Variants in SRC observed in about 807,000 individuals in gnomAD.
SRC encodes SRC proto-oncogene, non-receptor tyrosine kinase.
A neutral mutation model predicts 62.9 loss-of-function variants in SRC; 13 were observed. The ratio of observed to expected loss-of-function variants is 0.21; its 90% CI spans 0.13 to 0.33. The LOEUF (loss-of-function observed/expected upper bound fraction) is 0.33, where lower values mean the gene tolerates loss of function less well. SRC is among the 10% of genes least tolerant of loss of function. The probability of loss-of-function intolerance (pLI) is 1.00; values close to 1 mark genes in which losing one functional copy is unlikely to be tolerated. For synonymous variants in SRC, 302 were observed against 317.5 expected (o/e 0.95, Z 0.52); for missense variants, 457 against 737.3 (o/e 0.62, Z 4.40).
upstream of SRC, among the ~76,000 whole-genome samples, chr20:37,345,446 A>G (rs973550649): frequency 4.6e-5 from 7 of 152,214 alleles, no homozygotes; most frequent in Non-Finnish European, 7.3e-5. Flanking sequence ...CCTAAGCAGT[A>G]ATAATTAGAA....
At chr20:37,383,367 C>T (rs2070393066) in intron 3 of SRC, among the ~76,000 whole-genome samples, 1 of 152,188 alleles carries the variant, frequency 6.6e-6, no homozygotes, top group Non-Finnish European at 1.5e-5. Flanking sequence ...TGCTTCAAAC[C>T]TCCTGCTGTA....
In SRC at chr20:37,403,151, A is replaced by G; in HGVS notation, c.1403-20A>G. 6.6e-7 allele frequency: 1 copy of G among 1,518,640 alleles called. No homozygotes were observed. The highest frequency in any genetic ancestry group is 1.4e-5 in the African/African-American group (1 of 72,598). 94.1% of individuals were successfully genotyped at this position (1,518,640 alleles called of 1,614,324 possible). On this transcript the variant is annotated intron_variant, in intron 13 of 13. Transcript: ENST00000373578. This position sits in a 1 kb window ranked among gnomAD's most constrained non-coding sequence, Gnocchi z 7.1. Reference sequence around the variant, plus strand: ...TTTCCTCACCGGAGCCGGGCTCCCCATGCCTCGCTCTGCCCACAGGGATGG... The same window carrying G: ...TTTCCTCACCGGAGCCGGGCTCCCCGTGCCTCGCTCTGCCCACAGGGATGG...
rs61476973 is a variant in SRC at position 37,360,218 on chromosome 20, CT to C, written c.-246-4966del. On this transcript the variant is annotated intron_variant, in intron 1 of 13. Coordinates refer to ENST00000373578, the MANE Select transcript of SRC (RefSeq NM_198291.3). ...AATTTCTTTCTCTTTCTCTCTCTCT[CT>C]TTTTTTTTTTTTTTTTTTTGGTGAG... Among the ~76,000 whole-genome samples, 344 of 105,608 alleles carry C rather than the reference CT, an allele frequency of 3.3e-3. 2 individuals are homozygous for C. The highest frequency in any genetic ancestry group is 0.012 in the African/African-American group (260 of 20,932). 69.3% of individuals were successfully genotyped at this position (105,608 alleles called of 152,430 possible).
chr20:37,369,475 G>A (rs2070127825), intron 2 of SRC, among the ~76,000 whole-genome samples: 1 of 152,082 alleles, frequency 6.6e-6, no homozygotes, highest in African/African-American at 2.4e-5. Flanking sequence ...GTATTTTTGT[G>A]TATTGATTTT....
intron 2 of SRC, among the ~76,000 whole-genome samples, chr20:37,379,204 G>A (rs1013171018): frequency 1.8e-4 from 28 of 152,092 alleles, no homozygotes; most frequent in Admixed American, 7.9e-4. Flanking sequence ...GTGGCTTCCC[G>A]AAGGAAAGGG....
intron 2 of SRC, among the ~76,000 whole-genome samples, chr20:37,373,456 C>CGTGT (rs112187908): frequency 2.1e-5 from 2 of 94,744 alleles, no homozygotes; most frequent in African/African-American, 1.7e-4. Context: ...CGCATATATG[C>CGTGT]ATATATACAC....
At chr20:37,345,472 T>G (rs2069702951), upstream of SRC, among the ~76,000 whole-genome samples, 1 of 152,184 alleles carries the variant, frequency 6.6e-6, no homozygotes. Flanking sequence ...GGACTTCCGA[T>G]GGGCTGCCAG....
At chr20:37,366,619 G>A (rs1600970781) in intron 2 of SRC, among the ~76,000 whole-genome samples, 2 of 152,222 alleles carry the variant, frequency 1.3e-5, no homozygotes, top group South Asian at 4.2e-4. Flanking sequence ...AATAGAAATG[G>A]AATCATTCAA....
rs2070679769 is a variant in SRC at position 37,397,857 on chromosome 20, A to G, written c.859+3A>G. ...CTGCTTTGGCGAGGTGTGGATGGGT[A>G]AGGCCTGGCCCCTGCCCTCGGGAGA... On this transcript the variant is annotated splice_donor_region_variant and intron_variant, in intron 9 of 13. Coordinates refer to ENST00000373578, the MANE Select transcript of SRC (RefSeq NM_198291.3). This position sits in a 1 kb window ranked among gnomAD's most constrained non-coding sequence, Gnocchi z 4.1. The G allele has an allele frequency of 6.2e-7, 1 of 1,607,856 alleles. No homozygotes were observed. Among genetic ancestry groups the G allele is most frequent in the Non-Finnish European group, 8.5e-7 (1 of 1,178,652 alleles).
chr20:37,349,174 C>A (rs1452686098), intron 1 of SRC, among the ~76,000 whole-genome samples: 3 of 152,146 alleles, frequency 2.0e-5, no homozygotes, highest in Non-Finnish European at 4.4e-5. Flanking sequence ...GATGATAGAC[C>A]TAGATCTGTA....
chr20:37,391,038 A>G (rs1434352437), intron 5 of SRC, among the ~76,000 whole-genome samples: 1 of 152,160 alleles, frequency 6.6e-6, no homozygotes, highest in Non-Finnish European at 1.5e-5. Context: ...TGCTCGCTGA[A>G]GTCGGGTAGC....
At chr20:37,350,915 G>A (rs1263421061) in intron 1 of SRC, among the ~76,000 whole-genome samples, 1 of 152,198 alleles carries the variant, frequency 6.6e-6, no homozygotes, top group African/African-American at 2.4e-5. Flanking sequence ...TGTCATTCTT[G>A]ATCTATTCTG....
At chr20:37,353,451 T>C (rs1168426011) in intron 1 of SRC, among the ~76,000 whole-genome samples, 1 of 152,030 alleles carries the variant, frequency 6.6e-6, no homozygotes, top group East Asian at 1.9e-4. Context: ...AGAGGCAGAT[T>C]GGGCCAGTTT....
Position 37,397,966 on chromosome 20 carries a change from C to T in SRC, c.859+112C>T. The T allele has an allele frequency of 7.4e-7, 1 of 1,345,118 alleles. No individual in the cohort carries two copies. The highest frequency in any genetic ancestry group is 9.9e-7 in the Non-Finnish European group (1 of 1,008,540). 83.3% of individuals were successfully genotyped at this position (1,345,118 alleles called of 1,614,324 possible). ...GCTGCCTCTGCTGGATGACGGGGCC[C>T]TGTTGTAAATCTGGAGCTCCCCAGC... On this transcript the variant is annotated intron_variant, in intron 9 of 13. Coordinates refer to ENST00000373578, the MANE Select transcript of SRC (RefSeq NM_198291.3). The surrounding 1 kb of genome is among the most constrained non-coding windows in gnomAD (Gnocchi z 4.1).
In SRC at chr20:37,403,776, G is replaced by A. The variant is rs559041745; in HGVS notation, c.*397G>A. 4 of 281,458 alleles carry A rather than the reference G, an allele frequency of 1.4e-5. No individual in the cohort carries two copies. Among genetic ancestry groups the A allele is most frequent in the Non-Finnish European group, 2.7e-5 (4 of 146,552 alleles). The allele number at this position is 281,458 out of a possible 1,614,324, so 17.4% of individuals were successfully genotyped here. ...TTCTGTGCCACCCCCGGTCTATGTC[G>A]AGAGCTGGCCAAAGAGCCTTTCCAA... On this transcript the variant is annotated 3_prime_UTR_variant, in exon 14 of 14. Transcript: ENST00000373578. This position sits in a 1 kb window ranked among gnomAD's most constrained non-coding sequence, Gnocchi z 7.1.
intron 5 of SRC, among the ~76,000 whole-genome samples, chr20:37,391,312 C>T (rs1367122408): frequency 1.3e-5 from 2 of 152,196 alleles, no homozygotes. Flanking sequence ...TCTCTGGGGC[C>T]TGGGGAGGCC....
intron 1 of SRC, among the ~76,000 whole-genome samples, chr20:37,364,797 T>C (rs1031001527): frequency 1.3e-5 from 2 of 152,226 alleles, no homozygotes; most frequent in East Asian, 3.8e-4. Flanking sequence ...CTAAATCTTG[T>C]TGGAGAAGCC....
chr20:37,386,897 C>T (rs929440734), intron 5 of SRC, among the ~76,000 whole-genome samples: 4 of 152,246 alleles, frequency 2.6e-5, no homozygotes, highest in South Asian at 2.1e-4. Context: ...AGGCAGTGGG[C>T]GAGCCCAGAG....
chr20:37,370,730 G>C (rs2070149706), intron 2 of SRC, among the ~76,000 whole-genome samples: 1 of 152,016 alleles, frequency 6.6e-6, no homozygotes, highest in African/African-American at 2.4e-5. Context: ...AAAGTCATTG[G>C]TCTGTAATTT....
Sources: allele counts gnomAD v4.1 joint callset (sites outside exome capture counted in the v4.1 genomes callset), GRCh38; gene constraint gnomAD v4.1.1; non-coding constraint Gnocchi (gnomAD v3.1); transcripts MANE v1.5; gene names NCBI Gene and HGNC (gene_info 2026-07-23, HGNC 2026-07-21).